Variants in UBE2W observed in about 807,000 individuals in gnomAD.
UBE2W encodes the protein ubiquitin conjugating enzyme E2 W.
UBE2W carries 18 observed loss-of-function variants against 27.2 expected under a neutral mutation model. The ratio of observed to expected loss-of-function variants is 0.66; its 90% CI spans 0.46 to 0.98. The LOEUF is 0.98. UBE2W is among the 50% of genes least tolerant of loss of function. The pLI is 0.00. For synonymous variants in UBE2W, 53 were observed against 57.2 expected (o/e 0.93, Z 0.33); for missense variants, 90 against 180.2 (o/e 0.50, Z 2.87).
At chr8:73,795,563 T>C (rs541674633) in intron 5 of UBE2W, among the ~76,000 whole-genome samples, 142 of 152,236 alleles carry the variant, frequency 9.3e-4, no homozygotes, top group African/African-American at 3.2e-3. Context: ...ACAAAACAGA[T>C]TAATACACTA....
chr8:73,790,650 A>G lies in UBE2W; in HGVS notation c.*3452T>C. 2.0e-6 allele frequency: 2 copies of G among 984,220 alleles called. No individual in the cohort carries two copies. The highest frequency in any genetic ancestry group is 2.4e-6 in the Non-Finnish European group (2 of 828,826). The allele number at this position is 984,220 out of a possible 1,614,324, so 61.0% of individuals were successfully genotyped here. A position where few individuals can be genotyped will look rare whatever the true frequency, so the allele number is the denominator to read the frequency against. On this transcript the variant is annotated 3_prime_UTR_variant, in exon 6 of 6. Coordinates refer to ENST00000602593, the MANE Select transcript of UBE2W (RefSeq NM_018299.6). The stretch of plus-strand genomic sequence containing the variant: ...TTCTTTATTTAAAAAAATTTTTGTA[A>G]CACACAGTACCTCCTCTTCTCTTCT...
intron 1 of UBE2W, among the ~76,000 whole-genome samples, chr8:73,878,139 G>A (rs1812313690): frequency 6.6e-6 from 1 of 152,254 alleles, no homozygotes; most frequent in Non-Finnish European, 1.5e-5. Flanking sequence ...TCAGGCGGTG[G>A]ACACGGGGCA....
chr8:73,796,720 C>T lies in UBE2W; in HGVS notation c.443-2605G>A, dbSNP rs555783751. On this transcript the variant is annotated intron_variant, in intron 5 of 5. Coordinates refer to ENST00000602593, the MANE Select transcript of UBE2W (RefSeq NM_018299.6). Reference sequence around the variant, plus strand: ...ATGTAATCAAGAGTTTATAAGCAAACTTTAAGTATAGATACAACTATGAGC... The same window carrying T: ...ATGTAATCAAGAGTTTATAAGCAAATTTTAAGTATAGATACAACTATGAGC... 7 of 916,714 alleles carry T rather than the reference C, an allele frequency of 7.6e-6. No homozygotes were observed. In the East Asian group the frequency reaches 5.9e-4, roughly 78 times the overall value. 56.8% of individuals were successfully genotyped at this position (916,714 alleles called of 1,614,324 possible).
At chr8:73,863,223 A>G (rs1234951072) in intron 1 of UBE2W, among the ~76,000 whole-genome samples, 7 of 146,970 alleles carry the variant, frequency 4.8e-5, no homozygotes, top group Admixed American at 1.3e-4. Flanking sequence ...CGTGGCACAT[A>G]TACACCATGG....
At chr8:73,870,278 T>G (rs1161713378) in intron 1 of UBE2W, 1 of 1,587,570 alleles carries the variant, frequency 6.3e-7, no homozygotes, top group Non-Finnish European at 8.6e-7. Context: ...CTGGAAACCA[T>G]ACTTCCACCC....
intron 1 of UBE2W, among the ~76,000 whole-genome samples, chr8:73,864,702 G>C (rs1272588329): frequency 7.1e-6 from 1 of 141,074 alleles, no homozygotes; most frequent in Non-Finnish European, 1.5e-5. Flanking sequence ...TCAGCCTCCC[G>C]AGTAGCTGGG....
At chr8:73,806,266 C>G (rs1357277575) in intron 4 of UBE2W, among the ~76,000 whole-genome samples, 2 of 152,140 alleles carry the variant, frequency 1.3e-5, no homozygotes, top group African/African-American at 4.8e-5. Context: ...TGGTGGGCAT[C>G]TGTAATCTCA....
At chr8:73,849,155 TAA>T (rs1810954238) in intron 1 of UBE2W, among the ~76,000 whole-genome samples, 2 of 152,132 alleles carry the variant, frequency 1.3e-5, no homozygotes, top group Admixed American at 6.6e-5. Context: ...AGATTTTTCG[TAA>T]AAGTTTTCAA....
chr8:73,825,116 CA>C (rs752054464), intron 3 of UBE2W, 30 bp downstream of exon 3: 20,820 of 1,024,302 alleles, frequency 0.02, no homozygotes, highest in South Asian at 0.034. Flanking sequence ...TCTAAAAATA[CA>C]AAAAAAAAAA....
chr8:73,843,003 G>A (rs1810610061), intron 1 of UBE2W, among the ~76,000 whole-genome samples: 1 of 152,154 alleles, frequency 6.6e-6, no homozygotes, highest in Non-Finnish European at 1.5e-5. Flanking sequence ...CAAAAAGAAT[G>A]AAGTACTGAC....
chr8:73,842,923 A>C (rs748925049), intron 1 of UBE2W, among the ~76,000 whole-genome samples: 1 of 152,350 alleles, frequency 6.6e-6, no homozygotes, highest in African/African-American at 2.4e-5. Context: ...GCCAAAAAAC[A>C]ACCCAAATGC....
Position 73,850,723 on chromosome 8 carries a change from ATT to A in UBE2W, c.16-20253_16-20252del, listed in dbSNP as rs1441539830. The stretch of plus-strand genomic sequence containing the variant: ...AATAGTGAGGTACAATCAGCAGGAC[ATT>A]AAAAAAAAAAAAAAAAAAAAAAAAA... On this transcript the variant is annotated intron_variant, in intron 1 of 5. Transcript: ENST00000602593. Among the ~76,000 whole-genome samples the A allele has an allele frequency of 2.6e-5, 3 of 115,274 alleles. No individual in the cohort carries two copies. The East Asian group carries it at 8.0e-4, about 31-fold the overall frequency. 75.6% of individuals were successfully genotyped at this position (115,274 alleles called of 152,430 possible). A position where few individuals can be genotyped will look rare whatever the true frequency, so the allele number is the denominator to read the frequency against.
At position 73,798,386 on chromosome 8, in the gene UBE2W, G is replaced by C. The variant is rs555258875; in HGVS notation, c.443-4271C>G. On this transcript the variant is annotated intron_variant, in intron 5 of 5. Coordinates refer to ENST00000602593, the MANE Select transcript of UBE2W (RefSeq NM_018299.6). The stretch of plus-strand genomic sequence containing the variant: ...ATACATAAATTTCATGTTTAGACTT[G>C]GCTCCCATCCCCAAGATAGCTCATT... Among the ~76,000 whole-genome samples the C allele has an allele frequency of 2.0e-4, 30 of 152,236 alleles. No homozygotes were observed. The East Asian group carries it at 4.8e-3, about 24-fold the overall frequency.
intron 3 of UBE2W, among the ~76,000 whole-genome samples, chr8:73,822,283 G>A (rs1340016652): frequency 6.6e-6 from 1 of 152,130 alleles, no homozygotes; most frequent in Non-Finnish European, 1.5e-5. Flanking sequence ...GGCACTGAGA[G>A]ACAGGACTAG....
In UBE2W at chr8:73,780,996, G is replaced by A. The variant is rs533388750; in HGVS notation, c.430-479C>T. 1.1e-4 allele frequency among the ~76,000 whole-genome samples: 17 copies of A among 151,982 alleles called. No homozygotes were observed. In the East Asian group the frequency reaches 1.4e-3, roughly 12 times the overall value. On this transcript the variant is annotated intron_variant, in intron 4 of 4. Transcript: ENST00000523278. ...GAAAGTATTAAATTCCTGGCTGAGC[G>A]CGGTGGCTCACGCCTGTAATCCCAG...
intron 5 of UBE2W, among the ~76,000 whole-genome samples, chr8:73,802,482 C>A (rs940698086): frequency 1.1e-4 from 16 of 152,204 alleles, no homozygotes; most frequent in Non-Finnish European, 1.9e-4. Context: ...AGAAGCTGTA[C>A]ATTTTCATAT....
At chr8:73,829,603 A>G (rs1006620282) in intron 2 of UBE2W, among the ~76,000 whole-genome samples, 1 of 151,868 alleles carries the variant, frequency 6.6e-6, no homozygotes, top group African/African-American at 2.4e-5. Context: ...AAGAGTCTAT[A>G]CATCCATTCG....
chr8:73,855,376 A>C (rs1250919710), intron 1 of UBE2W, among the ~76,000 whole-genome samples: 1 of 144,180 alleles, frequency 6.9e-6, no homozygotes. Context: ...TTGATACTTC[A>C]TCTTTATATT....
chr8:73,864,081 CA>C (rs1459924653), intron 1 of UBE2W, among the ~76,000 whole-genome samples: 3 of 152,040 alleles, frequency 2.0e-5, no homozygotes, highest in Non-Finnish European at 4.4e-5. Context: ...ACTTCCAAAT[CA>C]AAAGTATACT....
Sources: gnomAD v4.1 joint callset for allele counts (sites outside exome capture counted in the v4.1 genomes callset) on GRCh38, gnomAD v4.1.1 for gene constraint, MANE v1.5 for transcripts, NCBI Gene and HGNC (gene_info 2026-07-23, HGNC 2026-07-21) for gene names.